Variants in MAN2B1 observed in about 807,000 individuals in gnomAD.
The protein encoded by MAN2B1 is mannosidase alpha class 2B member 1.
In MAN2B1, 99 loss-of-function variants were observed where a neutral mutation model predicts 127.5. That is an observed-to-expected ratio of 0.78 (90% CI 0.66 to 0.92). The LOEUF (loss-of-function observed/expected upper bound fraction) is 0.92, where lower values mean the gene tolerates loss of function less well. Among genes scored for constraint, MAN2B1 ranks in the 40% least tolerant of loss-of-function variants. MAN2B1 has a pLI of 0.00. For missense variants in MAN2B1, 1,304 were observed against 1,384.8 expected (o/e 0.94, Z 0.93); for synonymous variants, 573 against 568.8 (o/e 1.01, Z -0.11).
chr19:12,661,083 C>A, intron 7 of MAN2B1, 177 bp downstream of exon 7: 1 of 598,218 alleles, frequency 1.7e-6, no homozygotes, highest in Non-Finnish European at 3.1e-6. Context: ...ACCTACAGAA[C>A]TGTAAGACAA....
intron 7 of MAN2B1, among the ~76,000 whole-genome samples, chr19:12,660,320 A>G (rs1256240653): frequency 1.3e-5 from 2 of 152,176 alleles, no homozygotes; most frequent in Admixed American, 1.3e-4. Context: ...CCTGGCCAAC[A>G]TGGTGAAACC....
At chr19:12,649,477 C>CTTTTTTGTTTT (rs2023785933) in intron 18 of MAN2B1, 49 bp from the exon 19 acceptor site, 1 of 323,656 alleles carries the variant, frequency 3.1e-6, no homozygotes, top group Non-Finnish European at 5.0e-6. Context: ...CTCCCCAACT[C>CTTTTTTGTTTT]TTTTTTTTTT....
rs755553683 is a variant in MAN2B1 at position 12,647,496 on chromosome 19, C to A, written c.2767G>T (p.Val923Leu). 4.3e-6 allele frequency: 7 copies of A among 1,614,248 alleles called. No homozygotes were observed. The highest frequency in any genetic ancestry group is 1.7e-5 in the Admixed American group (1 of 60,028). ...AGGTTACGTCCGGAATCCTCTCCTA[C>A]GGCAAACTGGTGCTCCAAGCGCAGC... ...VLLRLEHQFAVGEDSGRNLSA... is the reference protein window; with the variant it reads ...VLLRLEHQFALGEDSGRNLSA... Residue 923 changes from valine (V) to leucine (L), a missense_variant, in exon 22 of 24, where the codon GTA becomes TTA. Physicochemically the swap from Val to Leu is conservative, Grantham distance 32 (BLOSUM62 1). Coordinates refer to ENST00000456935, the MANE Select transcript of MAN2B1 (RefSeq NM_000528.4). This position sits in a 1 kb window ranked among gnomAD's most constrained non-coding sequence, Gnocchi z 4.9.
At chr19:12,658,720 C>T in intron 7 of MAN2B1, 1 of 588,478 alleles carries the variant, frequency 1.7e-6, no homozygotes, top group South Asian at 2.0e-5. Flanking sequence ...TTCAGAGATG[C>T]AAGAATAAAC....
chr19:12,646,757 G>A, intron 23 of MAN2B1, 25 bp from the exon 24 acceptor site: 1 of 1,530,992 alleles, frequency 6.5e-7, no homozygotes, highest in Middle Eastern at 1.7e-4. Flanking sequence ...GGGGAAGGAG[G>A]AGTGAGGAGG....
At position 12,655,857 on chromosome 19, in the gene MAN2B1, T is replaced by G. The variant is rs1325770668; in HGVS notation, c.1667A>C (p.Asp556Ala). ...CAGCTCCGGAGGGTGCGCCTGGCTGTCTGAGCTGGGAAATATTACCACCTC... is the reference window on the plus strand; with the variant it reads ...CAGCTCCGGAGGGTGCGCCTGGCTGGCTGAGCTGGGAAATATTACCACCTC... Reference protein sequence around the residue: ...PSDVVIFPSSDSQAHPPELLF... With the variant: ...PSDVVIFPSSASQAHPPELLF... Residue 556 changes from aspartate to alanine, a missense_variant, in exon 14 of 24, where the codon GAC becomes GCC. By Grantham distance (126) the Asp-to-Ala change is moderately radical (BLOSUM62 -2). Coordinates refer to ENST00000456935, the MANE Select transcript of MAN2B1 (RefSeq NM_000528.4). The G allele has an allele frequency of 1.9e-6, 3 of 1,613,650 alleles. No individual in the cohort carries two copies. Among genetic ancestry groups the G allele is most frequent in the African/African-American group, 2.7e-5 (2 of 74,816 alleles).
rs771516624 is a variant in MAN2B1 at position 12,658,276 on chromosome 19, G to T, written c.1178C>A (p.Ser393Tyr). The stretch of plus-strand genomic sequence containing the variant: ...GTAGCGTTTGAGGGCCGGCCGACTG[G>T]AAAAGTAACCGGTCCAGAACTGGTG... ...GPHQFWTGYF[S>Y]SRPALKRYER... Residue 393 changes from serine to tyrosine, a missense_variant, in exon 9 of 24, where the codon TCC becomes TAC. By Grantham distance (144) the Ser-to-Tyr change is moderately radical. Coordinates refer to ENST00000456935, the MANE Select transcript of MAN2B1 (RefSeq NM_000528.4). 6.2e-7 allele frequency: 1 copy of T among 1,614,220 alleles called. No homozygotes were observed. Among genetic ancestry groups the T allele is most frequent in the Non-Finnish European group, 8.5e-7 (1 of 1,180,040 alleles).
chr19:12,650,727 G>A (rs2023825868), intron 16 of MAN2B1, among the ~76,000 whole-genome samples: 1 of 149,810 alleles, frequency 6.7e-6, no homozygotes, highest in Non-Finnish European at 1.5e-5. Flanking sequence ...ATGGAGTGCA[G>A]TGGCACAATC....
chr19:12,657,405 C>T, intron 11 of MAN2B1, 41 bp downstream of exon 11: 8 of 1,515,276 alleles, frequency 5.3e-6, no homozygotes, highest in Non-Finnish European at 6.3e-6. Context: ...CCGCCCCTTC[C>T]TGTCTCCACC....
At chr19:12,652,792 A>G (rs1348645122) in intron 14 of MAN2B1, among the ~76,000 whole-genome samples, 2 of 151,744 alleles carry the variant, frequency 1.3e-5, no homozygotes, top group Non-Finnish European at 2.9e-5. Flanking sequence ...TTGGCCTCCC[A>G]AAGTACTAGG....
At chr19:12,665,244 A>G (rs959178833) in intron 3 of MAN2B1, 108 bp downstream of exon 3, 3 of 1,375,084 alleles carry the variant, frequency 2.2e-6, no homozygotes, top group Non-Finnish European at 3.1e-6. Flanking sequence ...GCGGAGCGAC[A>G]CGCATGTTAT....
intron 13 of MAN2B1, 130 bp from the exon 14 acceptor site, chr19:12,656,009 G>C (rs1568302606): frequency 5.7e-6 from 4 of 705,994 alleles, no homozygotes; most frequent in South Asian, 1.6e-5. Flanking sequence ...GTGTGGTGGG[G>C]GGACAGTCAG....
intron 3 of MAN2B1, 115 bp downstream of exon 3, chr19:12,665,237 G>T: frequency 1.5e-6 from 2 of 1,330,624 alleles, no homozygotes; most frequent in Non-Finnish European, 2.1e-6. Flanking sequence ...CAGGCAGGCG[G>T]AGCGACACGC....
At chr19:12,650,340 G>T in intron 16 of MAN2B1, 118 bp from the exon 17 acceptor site, 5 of 718,534 alleles carry the variant, frequency 7.0e-6, no homozygotes, top group East Asian at 2.6e-5. Context: ...TCAACCTTCA[G>T]TCACCGCCAC....
In MAN2B1 at chr19:12,656,666, G is replaced by A; in HGVS notation, c.1549C>T (p.Pro517Ser). The A allele has an allele frequency of 1.2e-6, 2 of 1,613,536 alleles. No individual in the cohort carries two copies. Among genetic ancestry groups the A allele is most frequent in the Non-Finnish European group, 1.7e-6 (2 of 1,179,546 alleles). ...AARFQVIVYN[P>S]LGRKVNWMVR... ...ATCCAATTCACCTTCCGCCCCAGGGGATTATAAACGATGACCTGGAACTGG... is the reference window on the plus strand; with the variant it reads ...ATCCAATTCACCTTCCGCCCCAGGGAATTATAAACGATGACCTGGAACTGG... The change falls in exon 13 of 24, where the codon CCC (proline) becomes TCC (serine). Residue 517 changes from proline to serine, a missense_variant. By Grantham distance (74) the Pro-to-Ser change is moderately conservative (BLOSUM62 -1). Coordinates refer to ENST00000456935, the MANE Select transcript of MAN2B1 (RefSeq NM_000528.4).
Position 12,666,573 on chromosome 19 carries a change from C to G in MAN2B1, c.129G>C (p.Ala43=). The G allele has an allele frequency of 6.3e-7, 1 of 1,587,406 alleles. No homozygotes were observed. Residue 43 remains alanine (A), a synonymous_variant, in exon 1 of 24, where the codon GCG becomes GCC. Coordinates refer to ENST00000456935, the MANE Select transcript of MAN2B1 (RefSeq NM_000528.4). The stretch of plus-strand genomic sequence containing the variant: ...ATCCCCCGGCCCGAGCACCGGCAGC[C>G]GCCAGCAACAAAAGGAAAAAGCAGA... The part of the protein sequence containing the change: ...PPLCFFLLLL[A]AAGARAGGYE...
Position 12,647,853 on chromosome 19 carries a change from G to C in MAN2B1, c.2665-255C>G, listed in dbSNP as rs928454041. 1.3e-5 allele frequency among the ~76,000 whole-genome samples: 2 copies of C among 152,014 alleles called. No individual in the cohort carries two copies. The highest frequency in any genetic ancestry group is 2.9e-5 in the Non-Finnish European group (2 of 67,956). On this transcript the variant is annotated intron_variant, in intron 21 of 23. Coordinates refer to ENST00000456935, the MANE Select transcript of MAN2B1 (RefSeq NM_000528.4). This position sits in a 1 kb window ranked among gnomAD's most constrained non-coding sequence, Gnocchi z 4.9. ...TGTGACCTGAGACTTTGGGAGTTAC[G>C]GCGGGGCTGAAGCCGCGGGGCTGGG...
At chr19:12,648,126 C>T in intron 21 of MAN2B1, 49 bp downstream of exon 21, 1 of 1,499,264 alleles carries the variant, frequency 6.7e-7, no homozygotes, top group Non-Finnish European at 9.0e-7. Flanking sequence ...AACCCGGCTC[C>T]CTGGTAGACT....
At position 12,647,602 on chromosome 19, in the gene MAN2B1, C is replaced by CG. The variant is rs2023722994; in HGVS notation, c.2665-5dup. The CG allele has an allele frequency of 1.3e-6, 2 of 1,518,430 alleles. No individual in the cohort carries two copies. The highest frequency in any genetic ancestry group is 2.2e-5 in the South Asian group (2 of 89,882). The allele number at this position is 1,518,430 out of a possible 1,614,324, so 94.1% of individuals were successfully genotyped here. A position where few individuals can be genotyped will look rare whatever the true frequency, so the allele number is the denominator to read the frequency against. ...GGTCCCTGCGCAGCCCTGAGAACTG[C>CG]GGGAGAGAGGGCGGGGCTGAGTTGG... On this transcript the variant is annotated splice_region_variant and splice_polypyrimidine_tract_variant and intron_variant, in intron 21 of 23. Transcript: ENST00000456935. The surrounding 1 kb of genome is among the most constrained non-coding windows in gnomAD (Gnocchi z 4.9).
Sources: allele counts gnomAD v4.1 joint callset (sites outside exome capture counted in the v4.1 genomes callset), GRCh38; gene constraint gnomAD v4.1.1; non-coding constraint Gnocchi (gnomAD v3.1); transcripts MANE v1.5; gene names NCBI Gene and HGNC (gene_info 2026-07-23, HGNC 2026-07-21).